Variants in MSRA observed in about 807,000 individuals in gnomAD.
The protein encoded by MSRA is mitochondrial peptide methionine sulfoxide reductase.
In MSRA, 54 loss-of-function variants were observed where a neutral mutation model predicts 31.3. The observed-to-expected ratio is 1.73, with a 90% confidence interval of 1.39 to 2.17. The LOEUF (loss-of-function observed/expected upper bound fraction) is 2.17. Ranked by LOEUF, MSRA falls within the 30% of genes most tolerant of loss-of-function variation. MSRA has a pLI of 0.00. For synonymous variants in MSRA, 169 were observed against 116.5 expected (o/e 1.45, Z -2.90); for missense variants, 507 against 300.9 (o/e 1.69, Z -5.07).
intron 5 of MSRA, among the ~76,000 whole-genome samples, chr8:10,396,963 C>G (rs981982777): frequency 2.3e-4 from 35 of 152,206 alleles, no homozygotes; most frequent in African/African-American, 7.7e-4. Context: ...CGTGAACATT[C>G]AGAGTGTCGC....
chr8:10,316,572 CT>C (rs1801738105), intron 4 of MSRA, among the ~76,000 whole-genome samples: 3 of 147,174 alleles, frequency 2.0e-5, no homozygotes, highest in Non-Finnish European at 3.0e-5. Context: ...CTCTCTCTCT[CT>C]CCTTCCTCCT....
chr8:10,125,332 A>G (rs1389877266), intron 1 of MSRA, among the ~76,000 whole-genome samples: 1 of 152,166 alleles, frequency 6.6e-6, no homozygotes, highest in African/African-American at 2.4e-5. Context: ...GGTGGCACAG[A>G]TCAAAATCTT....
At chr8:10,183,802 G>A (rs1806764495) in intron 1 of MSRA, among the ~76,000 whole-genome samples, 1 of 150,728 alleles carries the variant, frequency 6.6e-6, no homozygotes, top group Admixed American at 6.6e-5. Flanking sequence ...GGTGGTGGTG[G>A]TGGTGGTGCT....
rs1303003062 is a variant in MSRA, at chr8:10,137,421, G to C, written c.143-70412G>C. On this transcript the variant is annotated intron_variant, in intron 1 of 5. Transcript: ENST00000317173. ...GCTTTCTTTGAGAGCAAGCAAAGTAGGCTGCCTCAAATATACACCTGGAAT... is the reference window on the plus strand; with the variant it reads ...GCTTTCTTTGAGAGCAAGCAAAGTACGCTGCCTCAAATATACACCTGGAAT... 5.3e-5 allele frequency among the ~76,000 whole-genome samples: 8 copies of C among 152,090 alleles called. No homozygotes were observed. In the South Asian group the frequency reaches 1.0e-3, roughly 20 times the overall value.
Position 10,284,718 on chromosome 8 carries a change from G to T in MSRA, c.332-16816G>T, listed in dbSNP as rs79876662. 1.4e-3 allele frequency among the ~76,000 whole-genome samples: 217 copies of T among 152,178 alleles called. 5 individuals carry two copies. In the East Asian group the frequency reaches 0.036, roughly 25 times the overall value. ...TTATGGAGGTCTGGGTTCTGACTCC[G>T]CCCCTCAGTGGTGGTGTGATGGTGG... On this transcript the variant is annotated intron_variant, in intron 3 of 5. Transcript: ENST00000317173.
At chr8:10,325,525 A>G (rs1802312054) in intron 5 of MSRA, among the ~76,000 whole-genome samples, 1 of 152,198 alleles carries the variant, frequency 6.6e-6, no homozygotes, top group African/African-American at 2.4e-5. Context: ...CTTTATATAA[A>G]GTTAAATGCA....
intron 1 of MSRA, among the ~76,000 whole-genome samples, chr8:10,146,508 G>A (rs895116636): frequency 6.6e-6 from 1 of 152,168 alleles, no homozygotes; most frequent in Non-Finnish European, 1.5e-5. Context: ...TGGCTGCTGA[G>A]GGCCGAGGGC....
chr8:10,113,292 C>CTTTTTTTTTTTTTTTTTTTTTTTTTTTT lies in MSRA; in HGVS notation c.142+58656_142+58657insTTTTTTTTTTTTTTTTTTTTTTTTTTTT, dbSNP rs10665004. Among the ~76,000 whole-genome samples the CTTTTTTTTTTTTTTTTTTTTTTTTTTTT allele has an allele frequency of 1.2e-4, 7 of 57,604 alleles. 1 individual carries two copies. The highest frequency in any genetic ancestry group is 5.9e-4 in the East Asian group (1 of 1,708). 37.8% of individuals were successfully genotyped at this position (57,604 alleles called of 152,430 possible). ...CATGGCTTTGGTGAAGACAGGTCTT[C>CTTTTTTTTTTTTTTTTTTTTTTTTTTTT]TTTTTTTTTTTTTTTTTTTTTTGGA... On this transcript the variant is annotated intron_variant, in intron 1 of 5. Transcript: ENST00000317173.
chr8:10,422,154 C>T lies in MSRA; in HGVS notation c.544-5994C>T, dbSNP rs191772697. Among the ~76,000 whole-genome samples, 233 of 152,262 alleles carry T rather than the reference C, an allele frequency of 1.5e-3. 2 individuals carry two copies. The highest frequency in any genetic ancestry group is 5.4e-3 in the African/African-American group (226 of 41,564). ...AAAATTAGCCAGGTATGGTGGTGTACGCACTTGTAGGCCCTGCTTTTCTGG... is the reference window on the plus strand; with the variant it reads ...AAAATTAGCCAGGTATGGTGGTGTATGCACTTGTAGGCCCTGCTTTTCTGG... On this transcript the variant is annotated intron_variant, in intron 5 of 5. Coordinates refer to ENST00000317173, the MANE Select transcript of MSRA (RefSeq NM_012331.5).
chr8:10,215,765 A>T (rs1809934738), intron 2 of MSRA, among the ~76,000 whole-genome samples: 1 of 152,180 alleles, frequency 6.6e-6, no homozygotes, highest in Non-Finnish European at 1.5e-5. Flanking sequence ...TTTTGGCCTC[A>T]ACTGTAAAGC....
chr8:10,090,361 G>A (rs1798795088), intron 1 of MSRA, among the ~76,000 whole-genome samples: 1 of 152,106 alleles, frequency 6.6e-6, no homozygotes, highest in African/African-American at 2.4e-5. Flanking sequence ...AGTCAAAACA[G>A]TAAGGCACTA....
At chr8:10,233,510 A>T (rs1811676052) in intron 2 of MSRA, among the ~76,000 whole-genome samples, 1 of 152,260 alleles carries the variant, frequency 6.6e-6, no homozygotes, top group Non-Finnish European at 1.5e-5. Flanking sequence ...AAAATAAAAG[A>T]ACTAAATATA....
chr8:10,347,961 G>A (rs1803889145), intron 5 of MSRA, among the ~76,000 whole-genome samples: 1 of 152,186 alleles, frequency 6.6e-6, no homozygotes, highest in African/African-American at 2.4e-5. Flanking sequence ...ACTGAACTAA[G>A]CTCATTGAAA....
chr8:10,263,467 C>G (rs188589338), intron 3 of MSRA, among the ~76,000 whole-genome samples: 12 of 152,336 alleles, frequency 7.9e-5, no homozygotes, highest in Admixed American at 7.2e-4. Flanking sequence ...TAGGTTAATG[C>G]CATATGCATT....
At chr8:10,116,641 G>A (rs1800701481) in intron 1 of MSRA, among the ~76,000 whole-genome samples, 1 of 152,050 alleles carries the variant, frequency 6.6e-6, no homozygotes, top group African/African-American at 2.4e-5. Flanking sequence ...CACGGAGCAG[G>A]GTCTGCCAAC....
At chr8:10,388,796 T>C (rs1361647140) in intron 5 of MSRA, among the ~76,000 whole-genome samples, 2 of 151,866 alleles carry the variant, frequency 1.3e-5, no homozygotes, top group African/African-American at 4.8e-5. Flanking sequence ...CTACGCATGA[T>C]GGGATGTTGA....
chr8:10,120,238 A>G (rs900257008), intron 1 of MSRA, among the ~76,000 whole-genome samples: 2 of 152,186 alleles, frequency 1.3e-5, no homozygotes, highest in Non-Finnish European at 2.9e-5. Flanking sequence ...CACCGGCAAG[A>G]GTCGTACTCA....
intron 5 of MSRA, among the ~76,000 whole-genome samples, chr8:10,399,493 G>C (rs959618907): frequency 5.9e-5 from 9 of 152,242 alleles, no homozygotes; most frequent in African/African-American, 1.9e-4. Context: ...GGTCTCTTTT[G>C]TTCCTGCTCT....
At chr8:10,414,603 G>C (rs1444986643) in intron 5 of MSRA, among the ~76,000 whole-genome samples, 2 of 152,200 alleles carry the variant, frequency 1.3e-5, no homozygotes, top group Non-Finnish European at 2.9e-5. Flanking sequence ...ATGAGAAGCG[G>C]TGACATTCAG....
Sources: gnomAD v4.1 joint callset for allele counts (sites outside exome capture counted in the v4.1 genomes callset) on GRCh38, gnomAD v4.1.1 for gene constraint, MANE v1.5 for transcripts, NCBI Gene and HGNC (gene_info 2026-07-23, HGNC 2026-07-21) for gene names.